STRN3: variants seen among roughly 807,000 people sequenced by gnomAD.
STRN3 encodes striatin-3.
Under a neutral mutation model 95.6 loss-of-function variants are expected in STRN3, and 29 were observed. The ratio of observed to expected loss-of-function variants is 0.30; its 90% CI spans 0.23 to 0.41. STRN3 has a LOEUF of 0.41. Among genes scored for constraint, STRN3 ranks in the 10% least tolerant of loss-of-function variants. The pLI is 1.00. For synonymous variants in STRN3, 331 were observed against 357.6 expected, an observed-to-expected ratio of 0.93 and a Z score of 0.84; for missense variants, 890 against 972.1, an observed-to-expected ratio of 0.92 and a Z score of 1.12.
intron 5 of STRN3, among the ~76,000 whole-genome samples, chr14:30,937,165 T>C (rs1372928811): frequency 6.6e-6 from 1 of 151,600 alleles, no homozygotes; most frequent in African/African-American, 2.4e-5. Flanking sequence ...AAAAAAAAAA[T>C]TACCTGGGTA....
chr14:30,962,841 T>G (rs770315101), intron 1 of STRN3, among the ~76,000 whole-genome samples: 1 of 152,094 alleles, frequency 6.6e-6, no homozygotes, highest in Non-Finnish European at 1.5e-5. Flanking sequence ...CCCCATTTTT[T>G]TTTTTACTAT....
chr14:30,896,974 T>C (rs116859728), intron 16 of STRN3, among the ~76,000 whole-genome samples: 2 of 152,326 alleles, frequency 1.3e-5, no homozygotes, highest in East Asian at 1.9e-4. Flanking sequence ...TTTGGATGGA[T>C]AGAAAGCATT....
chr14:30,937,110 T>C (rs1276717437), intron 5 of STRN3, among the ~76,000 whole-genome samples: 1 of 151,818 alleles, frequency 6.6e-6, no homozygotes, highest in Non-Finnish European at 1.5e-5. Context: ...CGCTTGAGCC[T>C]AGAGTTCAAC....
At chr14:30,899,219 C>T (rs1447308994) in intron 16 of STRN3, among the ~76,000 whole-genome samples, 4 of 152,226 alleles carry the variant, frequency 2.6e-5, no homozygotes, top group Non-Finnish European at 4.4e-5. Context: ...CACTCCTCCA[C>T]ATCCCTCATT....
chr14:30,939,512 C>T (rs991550142), intron 5 of STRN3, among the ~76,000 whole-genome samples: 1 of 152,114 alleles, frequency 6.6e-6, no homozygotes, highest in Non-Finnish European at 1.5e-5. Flanking sequence ...ACTTTTAGAG[C>T]TCTACTGAAG....
chr14:30,997,976 G>A (rs1474038068), intron 1 of STRN3, among the ~76,000 whole-genome samples: 2 of 152,214 alleles, frequency 1.3e-5, no homozygotes. Flanking sequence ...AAATATGGCT[G>A]AATCTTGGTA....
intron 1 of STRN3, among the ~76,000 whole-genome samples, chr14:31,018,286 C>T (rs1883339190): frequency 6.6e-6 from 1 of 152,152 alleles, no homozygotes; most frequent in Admixed American, 6.6e-5. Context: ...TAGTAAGCTG[C>T]TGCCACGGGG....
At chr14:30,967,034 T>G (rs1880550596) in intron 1 of STRN3, among the ~76,000 whole-genome samples, 2 of 151,156 alleles carry the variant, frequency 1.3e-5, no homozygotes, top group South Asian at 4.2e-4. Context: ...CACCCCTGGT[T>G]TGAGGGGTTG....
intron 3 of STRN3, among the ~76,000 whole-genome samples, chr14:30,952,426 C>G (rs1879692357): frequency 6.6e-6 from 1 of 152,018 alleles, no homozygotes; most frequent in Non-Finnish European, 1.5e-5. Flanking sequence ...TGGCTGGGAA[C>G]AGTGGCTAAG....
intron 1 of STRN3, among the ~76,000 whole-genome samples, chr14:30,973,480 CAAAT>C (rs1880939671): frequency 2.0e-5 from 3 of 152,102 alleles, no homozygotes; most frequent in Admixed American, 6.6e-5. Context: ...CAATTCTACA[CAAAT>C]AAATCTCCCA....
chr14:30,905,411 A>C lies in STRN3; in HGVS notation c.2029+7T>G. 6.3e-7 allele frequency: 1 copy of C among 1,590,418 alleles called. No individual in the cohort carries two copies. Among genetic ancestry groups the C allele is most frequent in the Non-Finnish European group, 8.5e-7 (1 of 1,172,160 alleles). On this transcript the variant is annotated splice_region_variant and intron_variant, in intron 15 of 17. Coordinates refer to ENST00000357479, the MANE Select transcript of STRN3 (RefSeq NM_001083893.2). ...TAAGGTTTCAAAGAAACTCCATGAA[A>C]ACTTACCAGAATCTACCTGTGATGA...
intron 7 of STRN3, among the ~76,000 whole-genome samples, chr14:30,934,763 T>C (rs1878734132): frequency 6.6e-6 from 1 of 152,174 alleles, no homozygotes; most frequent in South Asian, 2.1e-4. Flanking sequence ...ATTCTAGTAA[T>C]TAGTCAGATA....
At position 31,013,863 on chromosome 14, in the gene STRN3, T is replaced by TTTTTTATTA. The variant is rs1462314709; in HGVS notation, c.282+12040_282+12041insTAATAAAAA. ...TCCTGCCTTGGCTTCTCAAAGCAAT[T>TTTTTTATTA]TTATTATTATTATTATTATTATTAT... On this transcript the variant is annotated intron_variant, in intron 1 of 17. Transcript: ENST00000357479. Among the ~76,000 whole-genome samples, 197 of 81,036 alleles carry TTTTTTATTA rather than the reference T, an allele frequency of 2.4e-3. 1 individual carries two copies. Among genetic ancestry groups the TTTTTTATTA allele is most frequent in the Middle Eastern group, 6.6e-3 (1 of 152 alleles). 53.2% of individuals were successfully genotyped at this position (81,036 alleles called of 152,430 possible). A position where few individuals can be genotyped will look rare whatever the true frequency, so the allele number is the denominator to read the frequency against.
intron 1 of STRN3, among the ~76,000 whole-genome samples, chr14:31,021,461 A>T (rs371276867): frequency 6.6e-6 from 1 of 152,244 alleles, no homozygotes; most frequent in Admixed American, 6.5e-5. Context: ...AATGAATTAA[A>T]TGAATACTGA....
At chr14:30,996,342 C>G (rs761633508) in intron 1 of STRN3, among the ~76,000 whole-genome samples, 4 of 152,176 alleles carry the variant, frequency 2.6e-5, no homozygotes, top group Non-Finnish European at 4.4e-5. Context: ...AATGTTAAAA[C>G]TTCCACTGGT....
intron 1 of STRN3, among the ~76,000 whole-genome samples, chr14:30,989,691 C>G (rs1404816693): frequency 6.6e-6 from 1 of 152,090 alleles, no homozygotes; most frequent in Non-Finnish European, 1.5e-5. Context: ...ATCTCCTGAC[C>G]TCGTGATCCA....
At chr14:31,025,568 A>G in intron 1 of STRN3, 2 of 370,338 alleles carry the variant, frequency 5.4e-6, no homozygotes, top group Non-Finnish European at 1.0e-5. Flanking sequence ...CCCAAACCGG[A>G]CTCTCCCACA....
At chr14:30,979,291 A>G (rs1389638846) in intron 1 of STRN3, among the ~76,000 whole-genome samples, 1 of 152,150 alleles carries the variant, frequency 6.6e-6, no homozygotes, top group Non-Finnish European at 1.5e-5. Flanking sequence ...TTTAAAAAGT[A>G]TATTTTTATT....
chr14:31,017,028 G>A (rs977423532), intron 1 of STRN3, among the ~76,000 whole-genome samples: 1 of 152,076 alleles, frequency 6.6e-6, no homozygotes, highest in African/African-American at 2.4e-5. Flanking sequence ...GGTGGCGGGT[G>A]CCTGTAGTCC....
Sources: gnomAD v4.1 joint callset for allele counts (sites outside exome capture counted in the v4.1 genomes callset) on GRCh38, gnomAD v4.1.1 for gene constraint, MANE v1.5 for transcripts, NCBI Gene and HGNC (gene_info 2026-07-23, HGNC 2026-07-21) for gene names.